Variants in TNFRSF13B observed in about 807,000 individuals in gnomAD.
TNFRSF13B encodes tumor necrosis factor receptor superfamily member 13B.
Under a neutral mutation model 24.0 loss-of-function variants are expected in TNFRSF13B, and 34 were observed. That is an observed-to-expected ratio of 1.41 (90% confidence interval 1.08 to 1.88). The LOEUF (loss-of-function observed/expected upper bound fraction) is 1.88. TNFRSF13B is among the 40% of genes most tolerant of loss of function. The pLI is 0.00. For synonymous variants in TNFRSF13B, 173 were observed against 150.3 expected, an observed-to-expected ratio of 1.15 and a Z score of -1.10; for missense variants, 415 against 380.8, an observed-to-expected ratio of 1.09 and a Z score of -0.75.
At chr17:16,959,793 G>A (rs901746939) in intron 1 of TNFRSF13B, among the ~76,000 whole-genome samples, 2 of 152,018 alleles carry the variant, frequency 1.3e-5, no homozygotes, top group Admixed American at 6.6e-5. Flanking sequence ...CAGAAAATTT[G>A]AATACTCCTA....
At chr17:16,970,664 T>A (rs2087737412) in intron 1 of TNFRSF13B, among the ~76,000 whole-genome samples, 1 of 149,494 alleles carries the variant, frequency 6.7e-6, no homozygotes, top group Non-Finnish European at 1.5e-5. Flanking sequence ...GGTCCCAGAG[T>A]GGGCCAGTGG....
At chr17:16,957,370 A>G (rs1162452333) in intron 1 of TNFRSF13B, among the ~76,000 whole-genome samples, 1 of 152,080 alleles carries the variant, frequency 6.6e-6, no homozygotes, top group Non-Finnish European at 1.5e-5. Context: ...GAACAGAGCC[A>G]AATGTACTAA....
intron 3 of TNFRSF13B, 43 bp from the exon 4 acceptor site, chr17:16,940,554 C>T (rs755689300): frequency 4.4e-5 from 70 of 1,597,684 alleles, no homozygotes; most frequent in Non-Finnish European, 5.5e-5. Context: ...GCCTTCTTCT[C>T]TTCCCGTCAT....
intron 1 of TNFRSF13B, among the ~76,000 whole-genome samples, chr17:16,957,548 T>C (rs1214069188): frequency 6.6e-6 from 1 of 152,076 alleles, no homozygotes; most frequent in Non-Finnish European, 1.5e-5. Flanking sequence ...CACCAGGACA[T>C]ATTACAATAA....
intron 1 of TNFRSF13B, among the ~76,000 whole-genome samples, chr17:16,966,964 G>A (rs543665487): frequency 6.7e-6 from 1 of 150,030 alleles, no homozygotes; most frequent in Non-Finnish European, 1.5e-5. Flanking sequence ...TCAGCCTTCC[G>A]AGTAGCTGGG....
At chr17:16,942,677 G>A (rs1431455189) in intron 3 of TNFRSF13B, among the ~76,000 whole-genome samples, 2 of 152,248 alleles carry the variant, frequency 1.3e-5, no homozygotes. Flanking sequence ...AGCACAGACA[G>A]AATGCCAGGC....
At position 16,969,926 on chromosome 17, in the gene TNFRSF13B, T is replaced by A. The variant is rs142789749; in HGVS notation, c.61+2089A>T. Among the ~76,000 whole-genome samples, 309 of 152,238 alleles carry A rather than the reference T, an allele frequency of 2.0e-3. 1 individual carries two copies. The highest frequency in any genetic ancestry group is 7.1e-3 in the African/African-American group (294 of 41,510). On this transcript the variant is annotated intron_variant, in intron 1 of 4. Transcript: ENST00000261652. Reference sequence around the variant, plus strand: ...GGAGAAAGCCACCACCCGCCGCATATCACCGTGAAGGGTTGGTTGAGTGGA... The same window carrying A: ...GGAGAAAGCCACCACCCGCCGCATAACACCGTGAAGGGTTGGTTGAGTGGA...
intron 1 of TNFRSF13B, among the ~76,000 whole-genome samples, chr17:16,953,698 A>C (rs1343710123): frequency 6.6e-6 from 1 of 151,908 alleles, no homozygotes; most frequent in Non-Finnish European, 1.5e-5. Context: ...TCCTCTTCTG[A>C]TTTCATGACA....
intron 3 of TNFRSF13B, among the ~76,000 whole-genome samples, chr17:16,941,825 C>G (rs995636669): frequency 6.6e-6 from 1 of 152,122 alleles, no homozygotes. Context: ...TGTGGATTTG[C>G]CTATTCCAGA....
At chr17:16,942,345 G>A (rs2087517124) in intron 3 of TNFRSF13B, among the ~76,000 whole-genome samples, 1 of 152,176 alleles carries the variant, frequency 6.6e-6, no homozygotes, top group South Asian at 2.1e-4. Flanking sequence ...GGCACTGCCC[G>A]TCTTCCTCAC....
chr17:16,939,347 G>T lies in TNFRSF13B; in HGVS notation c.*200C>A, dbSNP rs373632897. On this transcript the variant is annotated 3_prime_UTR_variant, in exon 5 of 5. Coordinates refer to ENST00000261652, the MANE Select transcript of TNFRSF13B (RefSeq NM_012452.3). ...TCTCTGCCTGTCTCTTTCCTTCTCT[G>T]CCTCTTTCCCTCTCTGCCTCTCTTC... 5.2e-6 allele frequency: 3 copies of T among 578,206 alleles called. No homozygotes were observed. The highest frequency in any genetic ancestry group is 5.6e-6 in the Non-Finnish European group (2 of 358,666). The allele number at this position is 578,206 out of a possible 1,614,324, so 35.8% of individuals were successfully genotyped here. A position where few individuals can be genotyped will look rare whatever the true frequency, so the allele number is the denominator to read the frequency against.
rs978323805 is a variant in TNFRSF13B at position 16,939,137 on chromosome 17, G to T, written c.*410C>A. ...TTCTCCAGGAGGAGGGGCTCTCGGG[G>T]GCTGTGAGCAGCAGGCACGAGGACT... is the stretch of plus-strand genomic sequence containing the variant. On this transcript the variant is annotated 3_prime_UTR_variant, in exon 5 of 5. Transcript: ENST00000261652. 2.4e-5 allele frequency: 4 copies of T among 168,270 alleles called. No homozygotes were observed. The highest frequency in any genetic ancestry group is 9.5e-5 in the African/African-American group (4 of 41,910). 10.4% of individuals were successfully genotyped at this position (168,270 alleles called of 1,614,324 possible).
At chr17:16,946,287 G>C (rs2087547076) in intron 3 of TNFRSF13B, among the ~76,000 whole-genome samples, 1 of 152,212 alleles carries the variant, frequency 6.6e-6, no homozygotes, top group African/African-American at 2.4e-5. Context: ...CAAAGGAAAG[G>C]AACCAATCAG....
rs754552134 is a variant in TNFRSF13B, at chr17:16,972,037, G to A, written c.39C>T (p.Ser13=). 2.5e-6 allele frequency: 4 copies of A among 1,613,864 alleles called. No individual in the cohort carries two copies. Among genetic ancestry groups the A allele is most frequent in the African/African-American group, 2.7e-5 (2 of 74,896 alleles). ...GLGRSRRGGR[S]RVDQEERFPQ... is the part of the protein sequence containing the mutation. The stretch of plus-strand genomic sequence containing the variant: ...CACAGCGCTCCTCCTGGTCCACACG[G>A]CTCCGGCCACCTCGCCTGCTCCGGC... Residue 13 remains serine (S), a synonymous_variant, in exon 1 of 5, where the codon AGC becomes AGT. Coordinates refer to ENST00000261652, the MANE Select transcript of TNFRSF13B (RefSeq NM_012452.3).
At chr17:16,963,704 C>T (rs2087679319) in intron 1 of TNFRSF13B, among the ~76,000 whole-genome samples, 1 of 152,152 alleles carries the variant, frequency 6.6e-6, no homozygotes, top group Non-Finnish European at 1.5e-5. Flanking sequence ...TGCCCACCAC[C>T]ACGCCTGGCT....
At chr17:16,967,593 A>T (rs112226479) in intron 1 of TNFRSF13B, among the ~76,000 whole-genome samples, 3,908 of 147,718 alleles carry the variant, frequency 0.026, 161 homozygotes, top group African/African-American at 0.086. Context: ...AAAAATATAT[A>T]AAAAAAAAAT....
At chr17:16,947,791 A>G (rs1410456306) in intron 3 of TNFRSF13B, among the ~76,000 whole-genome samples, 1 of 152,364 alleles carries the variant, frequency 6.6e-6, no homozygotes, top group South Asian at 2.1e-4. Flanking sequence ...CAGTTTGGAG[A>G]TTCCTCAGAG....
chr17:16,952,569 A>G lies in TNFRSF13B; in HGVS notation c.76T>C (p.Trp26Arg), dbSNP rs773591883. Residue 26 changes from tryptophan (W) to arginine (R), a missense_variant, in exon 2 of 5, where the codon TGG becomes CGG. By Grantham distance (101) the Trp-to-Arg change is moderately radical (BLOSUM62 -3). Coordinates refer to ENST00000261652, the MANE Select transcript of TNFRSF13B (RefSeq NM_012452.3). ...DQEERFPQGL[W>R]TGVAMRSCPE... ...CAGGATCTCATAGCCACCCCCGTCC[A>G]CAGGCCCTGTGGAACTGAGAGACCA... 2.0e-5 allele frequency: 32 copies of G among 1,614,198 alleles called. No individual in the cohort carries two copies. Among genetic ancestry groups the G allele is most frequent in the Non-Finnish European group, 2.7e-5 (32 of 1,180,016 alleles).
chr17:16,966,179 A>G (rs1328001588), intron 1 of TNFRSF13B, among the ~76,000 whole-genome samples: 1 of 149,518 alleles, frequency 6.7e-6, no homozygotes, highest in African/African-American at 2.4e-5. Context: ...TCTCGAACCC[A>G]GTTGGGGGAA....
Sources: allele counts gnomAD v4.1 joint callset (sites outside exome capture counted in the v4.1 genomes callset), GRCh38; gene constraint gnomAD v4.1.1; transcripts MANE v1.5; gene names NCBI Gene and HGNC (gene_info 2026-07-23, HGNC 2026-07-21).